The following FHIT variants were observed in gnomAD, a reference collection of about 807,000 sequenced individuals.
FHIT encodes fragile histidine triad diadenosine triphosphatase.
FHIT carries 19 observed loss-of-function variants against 17.9 expected under a neutral mutation model. The observed-to-expected ratio is 1.06, with a 90% confidence interval of 0.74 to 1.56. The LOEUF (loss-of-function observed/expected upper bound fraction) is 1.56, where lower values mean the gene tolerates loss of function less well. FHIT is among the 40% of genes most tolerant of loss of function. The probability of loss-of-function intolerance (pLI) is 0.00; values close to 1 mark genes in which losing one functional copy is unlikely to be tolerated. For missense variants in FHIT, 248 were observed against 189.2 expected (o/e 1.31, Z -1.82); for synonymous variants, 81 against 69.7 (o/e 1.16, Z -0.81).
At chr3:59,831,113 T>A (rs1701148987) in intron 8 of FHIT, among the ~76,000 whole-genome samples, 1 of 152,218 alleles carries the variant, frequency 6.6e-6, no homozygotes, top group South Asian at 2.1e-4. Context: ...CTTAGGGTTC[T>A]CGTGAAGATG....
intron 8 of FHIT, among the ~76,000 whole-genome samples, chr3:59,753,657 A>G (rs1439344960): frequency 2.6e-5 from 4 of 152,050 alleles, no homozygotes; most frequent in South Asian, 4.1e-4. Context: ...CACCAATGAT[A>G]GCTAGCATTT....
At chr3:60,555,774 C>T (rs756576293) in intron 4 of FHIT, among the ~76,000 whole-genome samples, 3 of 152,166 alleles carry the variant, frequency 2.0e-5, no homozygotes, top group Non-Finnish European at 4.4e-5. Context: ...GGAGCATCAT[C>T]CAACACTAAC....
intron 5 of FHIT, among the ~76,000 whole-genome samples, chr3:60,261,456 T>A (rs1706297312): frequency 6.6e-6 from 1 of 152,032 alleles, no homozygotes; most frequent in Admixed American, 6.6e-5. Context: ...GTTGATACAT[T>A]TATTTTACTG....
chr3:60,443,024 TC>T (rs1216671170), intron 5 of FHIT, among the ~76,000 whole-genome samples: 3 of 152,174 alleles, frequency 2.0e-5, no homozygotes, highest in Non-Finnish European at 4.4e-5. Context: ...TATTTTATTC[TC>T]TTTGAAGCAA....
intron 8 of FHIT, among the ~76,000 whole-genome samples, chr3:59,784,581 C>A (rs1575488943): frequency 6.6e-6 from 1 of 152,338 alleles, no homozygotes; most frequent in East Asian, 1.9e-4. Context: ...TAGGTAGGCA[C>A]AGAAGGTGGC....
At chr3:59,785,566 A>T (rs1045863871) in intron 8 of FHIT, among the ~76,000 whole-genome samples, 1 of 152,028 alleles carries the variant, frequency 6.6e-6, no homozygotes, top group Non-Finnish European at 1.5e-5. Flanking sequence ...TGATCCGCCC[A>T]CCTTGGCCTC....
At chr3:60,847,268 G>T (rs1386240539) in intron 3 of FHIT, among the ~76,000 whole-genome samples, 2 of 152,124 alleles carry the variant, frequency 1.3e-5, no homozygotes, top group Admixed American at 1.3e-4. Flanking sequence ...AGAAGAATAT[G>T]ACAACCTGCA....
chr3:60,365,918 C>T (rs1255444899), intron 5 of FHIT, among the ~76,000 whole-genome samples: 1 of 152,154 alleles, frequency 6.6e-6, no homozygotes, highest in Non-Finnish European at 1.5e-5. Flanking sequence ...CAGCATGTAA[C>T]ATTCATAGAT....
At chr3:60,944,692 T>G (rs1318502774) in intron 3 of FHIT, among the ~76,000 whole-genome samples, 1 of 152,146 alleles carries the variant, frequency 6.6e-6, no homozygotes, top group African/African-American at 2.4e-5. Flanking sequence ...TGCGTTTATA[T>G]CAAATGAAAG....
intron 5 of FHIT, among the ~76,000 whole-genome samples, chr3:60,253,425 G>A (rs1705827402): frequency 1.3e-5 from 2 of 152,208 alleles, no homozygotes; most frequent in African/African-American, 4.8e-5. Flanking sequence ...ATTGTATTCA[G>A]TGTGATGATC....
At chr3:60,872,910 A>C (rs2107077507) in intron 3 of FHIT, among the ~76,000 whole-genome samples, 1 of 152,248 alleles carries the variant, frequency 6.6e-6, no homozygotes, top group South Asian at 2.1e-4. Context: ...GAGTTCATAG[A>C]CAAAGATGCT....
chr3:60,798,908 C>G (rs1301380387), intron 4 of FHIT, among the ~76,000 whole-genome samples: 1 of 151,374 alleles, frequency 6.6e-6, no homozygotes, highest in African/African-American at 2.4e-5. Context: ...CAGGTGTGCA[C>G]CACCACGCCC....
intron 5 of FHIT, among the ~76,000 whole-genome samples, chr3:60,336,728 C>G (rs1710257572): frequency 6.6e-6 from 1 of 152,052 alleles, no homozygotes; most frequent in Admixed American, 6.6e-5. Context: ...TCCAGCACTG[C>G]AGAAAGTTCC....
At chr3:60,684,335 T>G (rs182196635) in intron 4 of FHIT, among the ~76,000 whole-genome samples, 103 of 152,246 alleles carry the variant, frequency 6.8e-4, no homozygotes, top group South Asian at 4.8e-3. Flanking sequence ...CCATTTTTTT[T>G]GCAAACAAGG....
chr3:61,205,366 A>T (rs1270122033), intron 1 of FHIT, among the ~76,000 whole-genome samples: 3 of 152,184 alleles, frequency 2.0e-5, no homozygotes, highest in Non-Finnish European at 2.9e-5. Flanking sequence ...CAAATGGTAT[A>T]TCTAGTTCTA....
intron 5 of FHIT, among the ~76,000 whole-genome samples, chr3:60,367,010 G>T (rs992079244): frequency 1.3e-5 from 2 of 152,112 alleles, no homozygotes; most frequent in Admixed American, 6.5e-5. Flanking sequence ...CATTATATTT[G>T]TTCTCTGAGG....
intron 8 of FHIT, among the ~76,000 whole-genome samples, chr3:59,865,286 G>T (rs1428971039): frequency 6.6e-6 from 1 of 151,970 alleles, no homozygotes; most frequent in Non-Finnish European, 1.5e-5. Context: ...AACCATGGCT[G>T]TCACAGTGAA....
intron 5 of FHIT, among the ~76,000 whole-genome samples, chr3:60,408,549 A>G (rs1264411675): frequency 6.6e-6 from 1 of 152,182 alleles, no homozygotes; most frequent in East Asian, 1.9e-4. Flanking sequence ...AAGAAAGGAA[A>G]AAGATCAGTG....
At chr3:60,631,257 G>C (rs1305962029) in intron 4 of FHIT, among the ~76,000 whole-genome samples, 2 of 152,118 alleles carry the variant, frequency 1.3e-5, no homozygotes, top group African/African-American at 4.8e-5. Context: ...ATATCATTTT[G>C]ATTTGGGTTG....
Sources: allele counts gnomAD v4.1 joint callset (sites outside exome capture counted in the v4.1 genomes callset), GRCh38; gene constraint gnomAD v4.1.1; transcripts MANE v1.5; gene names NCBI Gene and HGNC (gene_info 2026-07-23, HGNC 2026-07-21).